Variants in ZNF221 observed in about 807,000 individuals in gnomAD.
The protein encoded by ZNF221 is zinc finger protein 221.
A neutral mutation model predicts 12.6 loss-of-function variants in ZNF221; 10 were observed. The ratio of observed to expected loss-of-function variants is 0.79; its 90% CI spans 0.49 to 1.34. The LOEUF is 1.34. Ranked by LOEUF, ZNF221 falls within the 40% of genes most tolerant of loss-of-function variation. The pLI is 0.00. For synonymous variants in ZNF221, 232 were observed against 244.0 expected, an observed-to-expected ratio of 0.95 and a Z score of 0.46; for missense variants, 661 against 721.4, an observed-to-expected ratio of 0.92 and a Z score of 0.96.
chr19:43,961,245 T>C (rs1974838275), intron 1 of ZNF221, among the ~76,000 whole-genome samples: 1 of 152,250 alleles, frequency 6.6e-6, no homozygotes, highest in South Asian at 2.1e-4. Context: ...AGCACCTGCC[T>C]CTTCATATGC....
intron 4 of ZNF221, 44 bp from the exon 5 acceptor site, chr19:43,965,760 T>C (rs764680422): frequency 1.3e-6 from 2 of 1,485,480 alleles, no homozygotes; most frequent in African/African-American, 2.8e-5. Flanking sequence ...AAACATTGAA[T>C]AGGGCTTCAC....
downstream of ZNF221, among the ~76,000 whole-genome samples, chr19:43,969,476 G>C (rs1975052001): frequency 6.6e-6 from 1 of 151,394 alleles, no homozygotes; most frequent in Admixed American, 6.6e-5. Context: ...AGCCTCCCAA[G>C]TAGCTGGGAT....
intron 1 of ZNF221, among the ~76,000 whole-genome samples, chr19:43,959,872 G>T (rs1379909629): frequency 6.6e-6 from 1 of 152,190 alleles, no homozygotes; most frequent in Non-Finnish European, 1.5e-5. Flanking sequence ...TTGCTATAAA[G>T]ATGCCTGAAA....
intron 3 of ZNF221, 58 bp downstream of exon 3, chr19:43,965,134 C>T (rs1974915852): frequency 6.2e-7 from 1 of 1,604,546 alleles, no homozygotes; most frequent in Non-Finnish European, 8.5e-7. Flanking sequence ...CTTTGTATTC[C>T]AAGTTTGAGT....
At chr19:43,979,944 T>G in the ZNF221 span, among the ~76,000 whole-genome samples, 1 of 152,220 alleles carries the variant, frequency 6.6e-6, no homozygotes, top group Non-Finnish European at 1.5e-5. Flanking sequence ...GATAAATATA[T>G]GCCAAATATA....
chr19:43,968,064 A>T (rs1330809076), downstream of ZNF221: 2 of 152,404 alleles, frequency 1.3e-5, no homozygotes, highest in Non-Finnish European at 2.9e-5. Flanking sequence ...TGGGAGAAGC[A>T]TTAAAAATTT....
chr19:43,954,462 C>T (rs767673905), intron 1 of ZNF221, among the ~76,000 whole-genome samples: 2 of 152,164 alleles, frequency 1.3e-5, no homozygotes, highest in Admixed American at 6.5e-5. Flanking sequence ...GTCTAGACTG[C>T]AGACAGCAAT....
intron 3 of ZNF221, 75 bp downstream of exon 3, chr19:43,965,151 T>A: frequency 6.3e-7 from 1 of 1,599,494 alleles, no homozygotes. Flanking sequence ...GAGTATGCAT[T>A]GGGAACCTAA....
intron 1 of ZNF221, among the ~76,000 whole-genome samples, chr19:43,956,756 T>G (rs2147333724): frequency 6.6e-6 from 1 of 152,348 alleles, no homozygotes; most frequent in African/African-American, 2.4e-5. Flanking sequence ...CTTTCAATAT[T>G]ATTGTGTTCA....
rs747791289 is a variant in ZNF221 at position 43,966,374 on chromosome 19, T to A, written c.872T>A (p.Phe291Tyr). The change falls in exon 5 of 5, where the codon TTC becomes TAC. Residue 291 changes from phenylalanine (F) to tyrosine (Y), a missense_variant. By Grantham distance (22) the Phe-to-Tyr change is conservative. Transcript: ENST00000587682. The part of the protein sequence containing the change: ...PYNCEECGKA[F>Y]IHDSQLQEHQ... ...AATTGTGAGGAATGTGGGAAAGCCT[T>A]CATTCATGATTCACAGCTTCAAGAA... is the stretch of plus-strand genomic sequence containing the variant. The A allele has an allele frequency of 1.2e-6, 2 of 1,614,008 alleles. No individual in the cohort carries two copies. The highest frequency in any genetic ancestry group is 2.2e-5 in the South Asian group (2 of 91,072).
the ZNF221 span, chr19:43,976,840 T>G: frequency 6.6e-6 from 1 of 152,220 alleles, no homozygotes; most frequent in Non-Finnish European, 1.5e-5. Context: ...TTTTGGAAAG[T>G]GGTATATGGC....
chr19:43,971,735 CAAT>C (rs1387507457), downstream of ZNF221, among the ~76,000 whole-genome samples: 1 of 151,954 alleles, frequency 6.6e-6, no homozygotes, highest in Non-Finnish European at 1.5e-5. Flanking sequence ...TATACGCACC[CAAT>C]AGCAGAGGAC....
chr19:43,975,886 T>C, the ZNF221 span, among the ~76,000 whole-genome samples: 2 of 152,276 alleles, frequency 1.3e-5, no homozygotes, highest in African/African-American at 2.4e-5. Context: ...TTCTTATTAT[T>C]TGGGACTCTG....
chr19:43,969,192 A>G (rs952853173), downstream of ZNF221, among the ~76,000 whole-genome samples: 7 of 152,046 alleles, frequency 4.6e-5, no homozygotes, highest in Non-Finnish European at 7.4e-5. Flanking sequence ...CCTGTGGGGG[A>G]AGGCTGGCCA....
chr19:43,968,839 G>A (rs1440835251), downstream of ZNF221, among the ~76,000 whole-genome samples: 3 of 152,204 alleles, frequency 2.0e-5, no homozygotes, highest in Non-Finnish European at 2.9e-5. Flanking sequence ...CCCTGCGCAG[G>A]AAACCATGCT....
intron 1 of ZNF221, among the ~76,000 whole-genome samples, chr19:43,956,464 G>C (rs569423819): frequency 1.8e-4 from 27 of 151,854 alleles, no homozygotes; most frequent in South Asian, 2.1e-4. Context: ...GTCCCAGGAA[G>C]TTTTCCACCA....
downstream of ZNF221, among the ~76,000 whole-genome samples, chr19:43,969,372 G>A (rs1975049107): frequency 1.9e-5 from 2 of 105,656 alleles, no homozygotes; most frequent in Admixed American, 3.0e-4. Flanking sequence ...TTTTTGAGAT[G>A]GAGTCTCACT....
downstream of ZNF221, among the ~76,000 whole-genome samples, chr19:43,971,876 G>A (rs1975104960): frequency 6.6e-6 from 1 of 152,076 alleles, no homozygotes. Flanking sequence ...CAAAGATGTT[G>A]AGGACCTTAA....
rs1374913760 is a variant in ZNF221, at chr19:43,967,317, A to G, written c.1815A>G (p.Ser605=). The G allele has an allele frequency of 6.2e-7, 1 of 1,613,546 alleles. No individual in the cohort carries two copies. The highest frequency in any genetic ancestry group is 1.1e-5 in the South Asian group (1 of 91,030). ...AGATCTACTCAGAATTCACAGCTTC[A>G]TTTACATCAGTAAGTCTATGTGGGA... ...WEEIYSEFTA[S]FTSVSLCGRK... is the part of the protein sequence containing the mutation. The change falls in exon 5 of 5, where the codon TCA becomes TCG. Residue 605 remains serine (S), a synonymous_variant. Coordinates refer to ENST00000587682, the MANE Select transcript of ZNF221 (RefSeq NM_001297588.2).
Sources: allele counts gnomAD v4.1 joint callset (sites outside exome capture counted in the v4.1 genomes callset), GRCh38; gene constraint gnomAD v4.1.1; transcripts MANE v1.5; gene names NCBI Gene and HGNC (gene_info 2026-07-23, HGNC 2026-07-21).